Variants in CACNA1A observed in about 807,000 individuals in gnomAD.
CACNA1A encodes the protein calcium voltage-gated channel subunit alpha1 A.
Under a neutral mutation model 262.4 loss-of-function variants are expected in CACNA1A, and 57 were observed. The observed-to-expected ratio is 0.22, with a 90% CI of 0.18 to 0.27. CACNA1A has a LOEUF of 0.27. Among genes scored for constraint, CACNA1A ranks in the 10% least tolerant of loss-of-function variants. The probability of loss-of-function intolerance (pLI) is 1.00; values close to 1 mark genes in which losing one functional copy is unlikely to be tolerated. For synonymous variants in CACNA1A, 1,431 were observed against 1,419.3 expected (o/e 1.01, Z -0.18); for missense variants, 2,526 against 3,562.8 (o/e 0.71, Z 7.41).
rs538721331 is a variant in CACNA1A, at chr19:13,492,039, T to A, written c.293+13893A>T. On this transcript the variant is annotated intron_variant, in intron 1 of 46. Transcript: ENST00000360228. ...GCAGGCACTAATGTTATACCACTTT[T>A]ACTGATGAGGAAAGGCAGGCCCAGG... Among the ~76,000 whole-genome samples the A allele has an allele frequency of 2.6e-5, 4 of 152,276 alleles. 1 individual carries two copies. The highest frequency in any genetic ancestry group is 9.6e-5 in the African/African-American group (4 of 41,542).
At chr19:13,348,965 G>A (rs553800868) in intron 6 of CACNA1A, among the ~76,000 whole-genome samples, 12 of 138,204 alleles carry the variant, frequency 8.7e-5, no homozygotes, top group Admixed American at 2.3e-4. Flanking sequence ...CCGAGATTGC[G>A]CCACTGCACT....
intron 3 of CACNA1A, among the ~76,000 whole-genome samples, chr19:13,408,176 T>C (rs1034935053): frequency 6.6e-6 from 1 of 152,166 alleles, no homozygotes; most frequent in Non-Finnish European, 1.5e-5. Flanking sequence ...ACGAATACAC[T>C]GGGCAACATG....
chr19:13,456,483 T>C (rs1222576455), intron 1 of CACNA1A, among the ~76,000 whole-genome samples: 1 of 151,876 alleles, frequency 6.6e-6, no homozygotes, highest in Non-Finnish European at 1.5e-5. Context: ...CCATCCTGGC[T>C]AACACGGTGA....
intron 1 of CACNA1A, 78 bp from the exon 2 acceptor site, chr19:13,455,290 T>TGGG: frequency 2.5e-6 from 2 of 813,492 alleles, no homozygotes; most frequent in Non-Finnish European, 4.3e-6. Context: ...CTGACCCCAG[T>TGGG]GGAAAGATCT....
chr19:13,487,066 G>A (rs537443138), intron 1 of CACNA1A, among the ~76,000 whole-genome samples: 20 of 152,166 alleles, frequency 1.3e-4, no homozygotes, highest in African/African-American at 4.8e-4. Context: ...GCCTGCCCAG[G>A]GCGCCTCATC....
At chr19:13,215,366 C>A (rs1366075973) in intron 38 of CACNA1A, 2 of 123,578 alleles carry the variant, frequency 1.6e-5, no homozygotes, top group Non-Finnish European at 3.2e-5. Flanking sequence ...GTTGCCCAGG[C>A]TGGAGTGCAA....
intron 1 of CACNA1A, among the ~76,000 whole-genome samples, chr19:13,457,680 A>G (rs1599300146): frequency 6.6e-6 from 1 of 151,984 alleles, no homozygotes; most frequent in South Asian, 2.1e-4. Context: ...GAGAAACCCC[A>G]TCTCTACTAA....
At chr19:13,392,734 CCCTT>C (rs1203243120) in intron 3 of CACNA1A, among the ~76,000 whole-genome samples, 3 of 151,722 alleles carry the variant, frequency 2.0e-5, no homozygotes, top group African/African-American at 7.3e-5. Context: ...TTCCTTCCTT[CCCTT>C]CCTTCCTTCC....
At chr19:13,371,839 G>A in intron 3 of CACNA1A, 60 bp from the exon 4 acceptor site, 2 of 1,255,938 alleles carry the variant, frequency 1.6e-6, no homozygotes, top group Non-Finnish European at 2.3e-6. Context: ...AGACAGCAGG[G>A]CGGGGGTGCT....
At chr19:13,384,246 A>C (rs2059570982) in intron 3 of CACNA1A, among the ~76,000 whole-genome samples, 1 of 152,126 alleles carries the variant, frequency 6.6e-6, no homozygotes, top group Non-Finnish European at 1.5e-5. Context: ...TGGTGGGTGA[A>C]TAAGTGAGGT....
At chr19:13,421,231 T>C (rs1248657058) in intron 3 of CACNA1A, among the ~76,000 whole-genome samples, 1 of 152,154 alleles carries the variant, frequency 6.6e-6, no homozygotes, top group Non-Finnish European at 1.5e-5. Flanking sequence ...TTGCAGCTAT[T>C]ATAGGAGAGA....
chr19:13,227,377 AGAAG>A, intron 37 of CACNA1A, 50 bp downstream of exon 37: 1 of 798,458 alleles, frequency 1.3e-6, no homozygotes, highest in Non-Finnish European at 2.1e-6. Flanking sequence ...AAGAAGAAGA[AGAAG>A]AAAAAAAAAC....
chr19:13,417,354 G>A (rs1568625493), intron 3 of CACNA1A, among the ~76,000 whole-genome samples: 2 of 152,166 alleles, frequency 1.3e-5, no homozygotes, highest in South Asian at 2.1e-4. Flanking sequence ...GTCATGTTTC[G>A]GTTTCTGAAT....
intron 3 of CACNA1A, among the ~76,000 whole-genome samples, chr19:13,437,256 G>A (rs867570847): frequency 3.9e-5 from 6 of 152,246 alleles, no homozygotes; most frequent in Middle Eastern, 6.3e-3. Context: ...AGAACTGTGA[G>A]AAGGTTTGAA....
intron 6 of CACNA1A, among the ~76,000 whole-genome samples, chr19:13,357,316 A>G (rs2059022607): frequency 6.6e-6 from 1 of 152,236 alleles, no homozygotes; most frequent in African/African-American, 2.4e-5. Flanking sequence ...ATGGAACACT[A>G]GGCATAAATG....
chr19:13,442,518 G>A (rs956460948), intron 3 of CACNA1A, among the ~76,000 whole-genome samples: 32 of 152,174 alleles, frequency 2.1e-4, no homozygotes, highest in African/African-American at 7.7e-4. Flanking sequence ...GGTAAATAAG[G>A]CATGGAGAAT....
At chr19:13,408,331 C>T (rs1332543324) in intron 3 of CACNA1A, among the ~76,000 whole-genome samples, 1 of 152,122 alleles carries the variant, frequency 6.6e-6, no homozygotes, top group Non-Finnish European at 1.5e-5. Flanking sequence ...GATCTTGCCA[C>T]TGCACTCTAG....
Position 13,217,528 on chromosome 19 carries a change from G to C in CACNA1A, c.5732-2920C>G, listed in dbSNP as rs1248598559. Among the ~76,000 whole-genome samples the C allele has an allele frequency of 7.2e-5, 11 of 152,200 alleles. No individual in the cohort carries two copies. In the East Asian group the frequency reaches 1.9e-3, roughly 27 times the overall value. On this transcript the variant is annotated intron_variant, in intron 38 of 46. Coordinates refer to ENST00000360228, the MANE Select transcript of CACNA1A (RefSeq NM_001127222.2). The stretch of plus-strand genomic sequence containing the variant: ...CACCCTCTTGACCTTCCGTAACCCC[G>C]AGAGCCTGGCTCAGCTGTGGAACTC...
At chr19:13,256,004 TTTTTC>T (rs2056558113) in intron 28 of CACNA1A, among the ~76,000 whole-genome samples, 1 of 135,514 alleles carries the variant, frequency 7.4e-6, no homozygotes, top group Non-Finnish European at 1.6e-5. Flanking sequence ...TTTTTTTTTT[TTTTTC>T]TTTGACACGG....
Sources: gnomAD v4.1 joint callset for allele counts (sites outside exome capture counted in the v4.1 genomes callset) on GRCh38, gnomAD v4.1.1 for gene constraint, MANE v1.5 for transcripts, NCBI Gene and HGNC (gene_info 2026-07-23, HGNC 2026-07-21) for gene names.